The following CERK variants were observed in gnomAD, a reference collection of about 807,000 sequenced individuals.
CERK encodes the protein ceramide kinase, also known as acylsphingosine kinase.
A neutral mutation model predicts 63.4 loss-of-function variants in CERK; 39 were observed. The observed-to-expected ratio is 0.61, with a 90% CI of 0.48 to 0.80. The LOEUF (loss-of-function observed/expected upper bound fraction) is 0.80. CERK is among the 30% of genes least tolerant of loss of function. The pLI, the probability that CERK is intolerant of heterozygous loss-of-function variation, is 0.00. For synonymous variants in CERK, 302 were observed against 280.0 expected (o/e 1.08, Z -0.78); for missense variants, 670 against 714.1 (o/e 0.94, Z 0.70).
At chr22:46,696,072 C>A (rs1569319988) in intron 8 of CERK, among the ~76,000 whole-genome samples, 1 of 152,182 alleles carries the variant, frequency 6.6e-6, no homozygotes, top group Non-Finnish European at 1.5e-5. Context: ...GGCCGTCACA[C>A]ACAACCTTAC....
chr22:46,692,904 CAAA>C (rs34255348), intron 10 of CERK, among the ~76,000 whole-genome samples: 9,203 of 92,938 alleles, frequency 0.099, 477 homozygotes, highest in African/African-American at 0.23. Flanking sequence ...AAACTCCATC[CAAA>C]AAAAAAAAAA....
intron 1 of CERK, 92 bp downstream of exon 1, chr22:46,737,915 G>T: frequency 2.2e-6 from 2 of 900,392 alleles, no homozygotes; most frequent in Non-Finnish European, 2.8e-6. Context: ...ACAGCCGCTC[G>T]CTCCCTGCAC....
intron 6 of CERK, among the ~76,000 whole-genome samples, chr22:46,705,721 G>A (rs936768069): frequency 7.3e-5 from 11 of 151,442 alleles, no homozygotes; most frequent in African/African-American, 1.5e-4. Context: ...TTGAACCAGC[G>A]CCAGCCAGCA....
intron 1 of CERK, among the ~76,000 whole-genome samples, chr22:46,728,761 G>C (rs1000150390): frequency 4.6e-5 from 7 of 152,264 alleles, no homozygotes; most frequent in African/African-American, 9.6e-5. Flanking sequence ...TGCAGAGTCA[G>C]CAGCTGGGAG....
intron 3 of CERK, among the ~76,000 whole-genome samples, chr22:46,713,117 C>T (rs2146571205): frequency 6.6e-6 from 1 of 152,196 alleles, no homozygotes; most frequent in Non-Finnish European, 1.5e-5. Flanking sequence ...TCATGTGACT[C>T]TGCTACTTAA....
intron 3 of CERK, among the ~76,000 whole-genome samples, chr22:46,713,976 C>A (rs907595093): frequency 8.6e-5 from 13 of 151,692 alleles, no homozygotes; most frequent in Non-Finnish European, 1.6e-4. Flanking sequence ...GACAAACGAT[C>A]AAAAAAAATC....
chr22:46,731,314 G>A (rs1443718872), intron 1 of CERK, among the ~76,000 whole-genome samples: 3 of 152,218 alleles, frequency 2.0e-5, no homozygotes, highest in Non-Finnish European at 4.4e-5. Context: ...GCTGTTAGGG[G>A]AGTGCATGTG....
Position 46,687,139 on chromosome 22 carries a change from T to C in CERK, c.1609A>G (p.Ser537Gly). Reference protein sequence around the residue: ...IEENPKPDSHS With the variant: ...IEENPKPDSHG ...GTGAGCAGGACGCCGGCTTCTCAGC[T>C]GTGTGAGTCTGGCTTCGGATTCTCT... Residue 537 changes from serine (S) to glycine (G), a missense_variant, in exon 13 of 13, where the codon AGC (serine) becomes GGC (glycine). Coordinates refer to ENST00000216264, the MANE Select transcript of CERK (RefSeq NM_022766.6). 6.2e-7 allele frequency: 1 copy of C among 1,614,126 alleles called. No homozygotes were observed. Among genetic ancestry groups the C allele is most frequent in the South Asian group, 1.1e-5 (1 of 91,086 alleles).
intron 6 of CERK, among the ~76,000 whole-genome samples, chr22:46,705,288 G>C (rs1218703663): frequency 6.6e-6 from 1 of 152,222 alleles, no homozygotes; most frequent in African/African-American, 2.4e-5. Context: ...CTGGGGTGAA[G>C]ACAGCAGGAG....
intron 8 of CERK, among the ~76,000 whole-genome samples, chr22:46,697,406 T>C (rs985031919): frequency 1.3e-5 from 2 of 152,130 alleles, no homozygotes; most frequent in Non-Finnish European, 1.5e-5. Context: ...GCTCAAGGGC[T>C]CCTCCTGCCT....
Position 46,685,075 on chromosome 22 carries a change from T to C in CERK, c.*2059A>G. The C allele has an allele frequency of 8.4e-6, 1 of 119,594 alleles. No homozygotes were observed. The highest frequency in any genetic ancestry group is 1.9e-4 in the East Asian group (1 of 5,164). The allele number at this position is 119,594 out of a possible 1,614,324, so 7.4% of individuals were successfully genotyped here. A position where few individuals can be genotyped will look rare whatever the true frequency, so the allele number is the denominator to read the frequency against. On this transcript the variant is annotated 3_prime_UTR_variant, in exon 13 of 13. Transcript: ENST00000216264. ...AGTGTATGGGAAACTTTTTTTTTTG[T>C]TGGGGGGGGCGATGGAGTCTCCCTC...
At chr22:46,688,277 C>T (rs960035809) in intron 12 of CERK, among the ~76,000 whole-genome samples, 4 of 152,226 alleles carry the variant, frequency 2.6e-5, no homozygotes, top group Non-Finnish European at 5.9e-5. Context: ...TTAAAAGCGA[C>T]GTGCTGCTCA....
chr22:46,693,502 A>G lies in CERK; in HGVS notation c.1051T>C (p.Cys351Arg). ...TGCTTGCTTTGCCTGCAAACAAAGC[A>G]TCTGAAAGACAAGAATATCATCACC... ...PRDRKPCRAGCFVCRQSKQQL... is the reference protein window; with the variant it reads ...PRDRKPCRAGRFVCRQSKQQL... Residue 351 changes from cysteine (C) to arginine (R), a missense_variant and splice_region_variant, in exon 10 of 13, where the codon TGC becomes CGC. Cys to Arg is a radical substitution (Grantham distance 180, BLOSUM62 -3). Coordinates refer to ENST00000216264, the MANE Select transcript of CERK (RefSeq NM_022766.6). The G allele has an allele frequency of 6.2e-7, 1 of 1,613,910 alleles. No individual in the cohort carries two copies. The highest frequency in any genetic ancestry group is 1.3e-5 in the African/African-American group (1 of 75,058).
intron 1 of CERK, among the ~76,000 whole-genome samples, chr22:46,728,398 G>A (rs1352786762): frequency 6.6e-6 from 1 of 152,130 alleles, no homozygotes; most frequent in African/African-American, 2.4e-5. Flanking sequence ...CCTTTGAAGA[G>A]GGAGCTCACC....
chr22:46,713,053 CCA>C (rs2082849520), intron 3 of CERK, among the ~76,000 whole-genome samples: 1 of 151,860 alleles, frequency 6.6e-6, no homozygotes, highest in South Asian at 2.1e-4. Flanking sequence ...ACCGTGTTAG[CCA>C]GAGTCACCCC....
At chr22:46,725,751 G>T (rs115526300) in intron 1 of CERK, among the ~76,000 whole-genome samples, 1 of 152,222 alleles carries the variant, frequency 6.6e-6, no homozygotes, top group African/African-American at 2.4e-5. Context: ...CCATGTCAGC[G>T]AGTGAGGCTG....
chr22:46,728,804 G>A (rs766038566), intron 1 of CERK, among the ~76,000 whole-genome samples: 1 of 152,220 alleles, frequency 6.6e-6, no homozygotes, highest in East Asian at 1.9e-4. Context: ...CCTCGGGGAC[G>A]TCTGAGCTAT....
intron 6 of CERK, among the ~76,000 whole-genome samples, chr22:46,702,219 ATATATGTGTGTG>A (rs1569322014): frequency 1.0e-5 from 1 of 97,210 alleles, no homozygotes; most frequent in African/African-American, 4.7e-5. Flanking sequence ...AAAAAAATAT[ATATATGTGTGTG>A]TGTGTGTGTG....
At chr22:46,723,543 C>T (rs908198181) in intron 1 of CERK, among the ~76,000 whole-genome samples, 8 of 151,488 alleles carry the variant, frequency 5.3e-5, no homozygotes, top group Admixed American at 2.0e-4. Flanking sequence ...TGCTTGAACC[C>T]GGGAGGCGGA....
Sources: gnomAD v4.1 joint callset for allele counts (sites outside exome capture counted in the v4.1 genomes callset) on GRCh38, gnomAD v4.1.1 for gene constraint, MANE v1.5 for transcripts, NCBI Gene and HGNC (gene_info 2026-07-23, HGNC 2026-07-21) for gene names.